Variants in FOCAD observed in about 807,000 individuals in gnomAD.
FOCAD encodes the protein focadhesin.
In FOCAD, 198 loss-of-function variants were observed where a neutral mutation model predicts 225.6. The ratio of observed to expected loss-of-function variants is 0.88; its 90% confidence interval spans 0.78 to 0.99. The LOEUF is 0.99. Ranked by LOEUF, FOCAD falls within the 50% of genes least tolerant of loss-of-function variation. The pLI, the probability that FOCAD is intolerant of heterozygous loss-of-function variation, is 0.00. For synonymous variants in FOCAD, 897 were observed against 755.0 expected (o/e 1.19, Z -3.08); for missense variants, 2,713 against 2,123.6 (o/e 1.28, Z -5.46).
chr9:20,680,526 G>T (rs1822370597), upstream of FOCAD, among the ~76,000 whole-genome samples: 1 of 152,162 alleles, frequency 6.6e-6, no homozygotes, highest in African/African-American at 2.4e-5. Flanking sequence ...TTGCACTCCA[G>T]CCTGGCAACA....
rs1302919904 is a variant in FOCAD at position 20,920,007 on chromosome 9, C to T, written c.2852+3070C>T. 4.6e-5 allele frequency among the ~76,000 whole-genome samples: 7 copies of T among 151,990 alleles called. No homozygotes were observed. In the South Asian group the frequency reaches 1.5e-3, roughly 32 times the overall value. On this transcript the variant is annotated intron_variant, in intron 24 of 43. Coordinates refer to ENST00000338382, the MANE Select transcript of FOCAD (RefSeq NM_001375567.1). Reference sequence around the variant, plus strand: ...AGCTTCAGCACAGCAAAAGAAACTACCATCAGAGTGAACAGGCAACCTACA... The same window carrying T: ...AGCTTCAGCACAGCAAAAGAAACTATCATCAGAGTGAACAGGCAACCTACA...
At chr9:20,816,352 T>A (rs1823727837) in intron 11 of FOCAD, among the ~76,000 whole-genome samples, 1 of 152,172 alleles carries the variant, frequency 6.6e-6, no homozygotes, top group South Asian at 2.1e-4. Context: ...TAAGCCAATT[T>A]AAGATAACCT....
rs147002336 is a variant in FOCAD, at chr9:20,822,740, A to C, written c.1794-249A>C. On this transcript the variant is annotated intron_variant, in intron 14 of 43. Coordinates refer to ENST00000338382, the MANE Select transcript of FOCAD (RefSeq NM_001375567.1). ...ATTCAGACAATAGGATTTGTGATTT[A>C]GAGTGAATGAAATTTGTTAAAAAGT... 2.4e-4 allele frequency among the ~76,000 whole-genome samples: 36 copies of C among 152,152 alleles called. No homozygotes were observed. The East Asian group carries it at 6.0e-3, about 25-fold the overall frequency.
At chr9:20,883,137 C>G (rs1032709014) in intron 20 of FOCAD, among the ~76,000 whole-genome samples, 18 of 152,090 alleles carry the variant, frequency 1.2e-4, no homozygotes, top group African/African-American at 4.3e-4. Flanking sequence ...CTGCACTAGA[C>G]ACAGGACAAA....
intron 8 of FOCAD, among the ~76,000 whole-genome samples, chr9:20,772,032 G>T (rs1319980030): frequency 6.6e-6 from 1 of 152,168 alleles, no homozygotes; most frequent in East Asian, 1.9e-4. Flanking sequence ...AATACATTTT[G>T]AGAGGACACA....
At chr9:20,814,531 G>T (rs1006306176) in intron 11 of FOCAD, among the ~76,000 whole-genome samples, 2 of 151,394 alleles carry the variant, frequency 1.3e-5, no homozygotes, top group Non-Finnish European at 3.0e-5. Flanking sequence ...TAATTTCTGT[G>T]TTTTTAGTAG....
intron 5 of FOCAD, among the ~76,000 whole-genome samples, chr9:20,743,493 G>A (rs1827794375): frequency 6.6e-6 from 1 of 152,128 alleles, no homozygotes; most frequent in Non-Finnish European, 1.5e-5. Context: ...GTATGGGAGT[G>A]GACAGAAAAC....
chr9:20,727,046 A>G (rs1208220961), intron 4 of FOCAD, among the ~76,000 whole-genome samples: 1 of 151,442 alleles, frequency 6.6e-6, no homozygotes, highest in Non-Finnish European at 1.5e-5. Context: ...TTATATTGAT[A>G]TTATGGCTTA....
intron 22 of FOCAD, among the ~76,000 whole-genome samples, chr9:20,912,580 G>C (rs1029243902): frequency 6.6e-6 from 1 of 151,868 alleles, no homozygotes; most frequent in Non-Finnish European, 1.5e-5. Flanking sequence ...TTTTAAATGG[G>C]GTCTCTGAAA....
chr9:20,730,890 T>G (rs1298957058), intron 4 of FOCAD, among the ~76,000 whole-genome samples: 1 of 152,098 alleles, frequency 6.6e-6, no homozygotes, highest in Non-Finnish European at 1.5e-5. Flanking sequence ...GTTGTAGGAA[T>G]GTAGATTAAG....
At position 20,764,912 on chromosome 9, in the gene FOCAD, T is replaced by A; in HGVS notation, c.538T>A (p.Tyr180Asn). 6.2e-7 allele frequency: 1 copy of A among 1,614,176 alleles called. No homozygotes were observed. Among genetic ancestry groups the A allele is most frequent in the East Asian group, 2.2e-5 (1 of 44,876 alleles). Residue 180 changes from tyrosine to asparagine, a missense_variant, in exon 7 of 44, where the codon TAT (tyrosine) becomes AAT (asparagine). Tyr to Asn is a moderately radical substitution (Grantham distance 143, BLOSUM62 -2). Transcript: ENST00000338382. ...TCAAATAATGGCACCATTTCTGTGG[T>A]ATCTGTATTGTGAACCATCTCAGTT... ...CIQIMAPFLW[Y>N]LYCEPSQLQE...
chr9:20,806,680 G>A (rs1344509145), intron 11 of FOCAD, among the ~76,000 whole-genome samples: 1 of 152,026 alleles, frequency 6.6e-6, no homozygotes, highest in Non-Finnish European at 1.5e-5. Context: ...TTTTTACATC[G>A]AATTCCATCT....
At chr9:20,770,335 G>A (rs1289539578) in intron 8 of FOCAD, 97 bp downstream of exon 8, 1 of 1,146,604 alleles carries the variant, frequency 8.7e-7, no homozygotes, top group Admixed American at 2.1e-5. Context: ...TTGGCTTACA[G>A]TCTGGCAGGC....
At chr9:20,740,489 C>T (rs1220076735) in intron 5 of FOCAD, 149 bp downstream of exon 5, 9 of 487,850 alleles carry the variant, frequency 1.8e-5, no homozygotes, top group Non-Finnish European at 3.7e-6. Flanking sequence ...AGGAAGTTAG[C>T]GTTTCAAAGA....
At chr9:20,793,676 A>C (rs977464995) in intron 11 of FOCAD, among the ~76,000 whole-genome samples, 6 of 152,204 alleles carry the variant, frequency 3.9e-5, no homozygotes, top group Non-Finnish European at 7.3e-5. Flanking sequence ...CTGCATTCAG[A>C]ACAGTGGAGT....
intron 11 of FOCAD, among the ~76,000 whole-genome samples, chr9:20,815,670 G>A (rs1229677722): frequency 6.6e-6 from 1 of 152,016 alleles, no homozygotes; most frequent in Non-Finnish European, 1.5e-5. Flanking sequence ...GAACTTAAAC[G>A]CTGGAGGAGG....
chr9:20,742,543 A>ATTAG (rs1289465929), intron 5 of FOCAD, among the ~76,000 whole-genome samples: 1 of 152,240 alleles, frequency 6.6e-6, no homozygotes, highest in Non-Finnish European at 1.5e-5. Context: ...TCCATCTAAG[A>ATTAG]GTGCCAGAGT....
At chr9:20,846,970 A>T (rs180787644) in intron 15 of FOCAD, among the ~76,000 whole-genome samples, 37 of 152,282 alleles carry the variant, frequency 2.4e-4, no homozygotes, top group Non-Finnish European at 4.3e-4. Flanking sequence ...ATAGCTACTT[A>T]GTGGCATGGG....
At chr9:20,949,579 T>TTG in intron 32 of FOCAD, 25 bp from the exon 33 acceptor site, 1 of 853,686 alleles carries the variant, frequency 1.2e-6, no homozygotes, top group Non-Finnish European at 1.6e-6. Context: ...GTGGGTGGGA[T>TTG]GGGTATTTCT....
Sources: gnomAD v4.1 joint callset for allele counts (sites outside exome capture counted in the v4.1 genomes callset) on GRCh38, gnomAD v4.1.1 for gene constraint, MANE v1.5 for transcripts, NCBI Gene and HGNC (gene_info 2026-07-23, HGNC 2026-07-21) for gene names.